PDE5A: variants seen among roughly 807,000 people sequenced by gnomAD.
PDE5A encodes the protein cGMP-specific 3',5'-cyclic phosphodiesterase.
A neutral mutation model predicts 110.2 loss-of-function variants in PDE5A; 67 were observed. That is an observed-to-expected ratio of 0.61 (90% confidence interval 0.50 to 0.75). The LOEUF (loss-of-function observed/expected upper bound fraction) is 0.75. Among genes scored for constraint, PDE5A ranks in the 30% least tolerant of loss-of-function variants. PDE5A has a pLI of 0.00. For missense variants in PDE5A, 862 were observed against 1,045.1 expected (o/e 0.82, Z 2.42); for synonymous variants, 328 against 351.2 (o/e 0.93, Z 0.74).
intron 8 of PDE5A, among the ~76,000 whole-genome samples, chr4:119,553,011 G>A (rs931204848): frequency 6.6e-6 from 1 of 152,044 alleles, no homozygotes; most frequent in Non-Finnish European, 1.5e-5. Flanking sequence ...AATGCACCGT[G>A]TTACAAACCT....
At chr4:119,576,749 T>C (rs1202490427) in intron 3 of PDE5A, among the ~76,000 whole-genome samples, 11 of 151,874 alleles carry the variant, frequency 7.2e-5, no homozygotes, top group Admixed American at 6.6e-4. Context: ...AGATCTAAAA[T>C]TGACACCCTA....
At chr4:119,567,859 T>C (rs1225448513) in intron 3 of PDE5A, among the ~76,000 whole-genome samples, 1 of 152,146 alleles carries the variant, frequency 6.6e-6, no homozygotes, top group Non-Finnish European at 1.5e-5. Flanking sequence ...GACCTTCAAC[T>C]TACTCTTCTC....
At chr4:119,625,138 C>T (rs1310009062) in intron 1 of PDE5A, among the ~76,000 whole-genome samples, 1 of 151,712 alleles carries the variant, frequency 6.6e-6, no homozygotes, top group Non-Finnish European at 1.5e-5. Context: ...GCTGGGATTA[C>T]AGGCGCGCGC....
intron 1 of PDE5A, among the ~76,000 whole-genome samples, chr4:119,618,964 C>T (rs1013885597): frequency 3.3e-5 from 5 of 152,116 alleles, no homozygotes; most frequent in Non-Finnish European, 7.4e-5. Context: ...GGGAGATTTG[C>T]AGGGTGTATT....
intron 3 of PDE5A, among the ~76,000 whole-genome samples, chr4:119,593,252 G>C (rs1190083337): frequency 6.6e-6 from 1 of 152,168 alleles, no homozygotes; most frequent in African/African-American, 2.4e-5. Flanking sequence ...GAAAGCATAA[G>C]TCCACACAAA....
Position 119,627,044 on chromosome 4 carries a change from T to C in PDE5A, c.152+1476A>G, listed in dbSNP as rs1262095663. On this transcript the variant is annotated intron_variant, in intron 1 of 20. Transcript: ENST00000354960. The surrounding 1 kb of genome is among the most constrained non-coding windows in gnomAD (Gnocchi z 4.6). ...AAGTTATACAGTCAATTTTCAATGATACATCGTCCCACTGGTGCCACCGGG... is the reference window on the plus strand; with the variant it reads ...AAGTTATACAGTCAATTTTCAATGACACATCGTCCCACTGGTGCCACCGGG... 3 of 1,262,692 alleles carry C rather than the reference T, an allele frequency of 2.4e-6. No individual in the cohort carries two copies. Among genetic ancestry groups the C allele is most frequent in the Admixed American group, 1.8e-5 (1 of 54,114 alleles). The allele number at this position is 1,262,692 out of a possible 1,614,324, so 78.2% of individuals were successfully genotyped here. A position where few individuals can be genotyped will look rare whatever the true frequency, so the allele number is the denominator to read the frequency against.
rs1298906199 is a variant in PDE5A at position 119,627,265 on chromosome 4, G to T, written c.152+1255C>A. 3 of 1,576,598 alleles carry T rather than the reference G, an allele frequency of 1.9e-6. No homozygotes were observed. Among genetic ancestry groups the T allele is most frequent in the Non-Finnish European group, 2.6e-6 (3 of 1,160,052 alleles). Reference sequence around the variant, plus strand: ...CAACAACGCGCGCAGGTGAGGTGAGGTGAGGTCGGCGACTCAGAACCAGCT... The same window carrying T: ...CAACAACGCGCGCAGGTGAGGTGAGTTGAGGTCGGCGACTCAGAACCAGCT... On this transcript the variant is annotated intron_variant, in intron 1 of 20. Coordinates refer to ENST00000354960, the MANE Select transcript of PDE5A (RefSeq NM_001083.4). The surrounding 1 kb of genome is among the most constrained non-coding windows in gnomAD (Gnocchi z 4.6).
At chr4:119,619,486 T>C (rs1380646077) in intron 1 of PDE5A, among the ~76,000 whole-genome samples, 1 of 152,140 alleles carries the variant, frequency 6.6e-6, no homozygotes, top group African/African-American at 2.4e-5. Flanking sequence ...GGAAACAAAA[T>C]CTGGGGGTCT....
At chr4:119,512,958 TACA>T (rs1247766753) in intron 14 of PDE5A, 1 of 152,136 alleles carries the variant, frequency 6.6e-6, no homozygotes, top group Non-Finnish European at 1.5e-5. Context: ...AATGAGAGCC[TACA>T]ACATGTCAGG....
chr4:119,580,357 G>A lies in PDE5A; in HGVS notation c.832-13213C>T, dbSNP rs141503420. 2.8e-3 allele frequency among the ~76,000 whole-genome samples: 429 copies of A among 152,242 alleles called. 2 individuals carry two copies. The highest frequency in any genetic ancestry group is 4.0e-3 in the Admixed American group (61 of 15,286). On this transcript the variant is annotated intron_variant, in intron 3 of 20. Transcript: ENST00000354960. The stretch of plus-strand genomic sequence containing the variant: ...AGATTCTGTCCAGAGACAGAACAGC[G>A]CATAGCCATTGCGAGCAAAGTCTCC...
intron 16 of PDE5A, among the ~76,000 whole-genome samples, chr4:119,506,882 C>A (rs943696695): frequency 6.6e-6 from 1 of 151,786 alleles, no homozygotes; most frequent in Non-Finnish European, 1.5e-5. Context: ...CTAAGAGTAA[C>A]TACAACCATG....
At chr4:119,559,889 A>G (rs1285206114) in intron 7 of PDE5A, among the ~76,000 whole-genome samples, 1 of 152,172 alleles carries the variant, frequency 6.6e-6, no homozygotes, top group Non-Finnish European at 1.5e-5. Context: ...ATCTCCCTTG[A>G]CTACTCACTT....
intron 4 of PDE5A, 134 bp downstream of exon 4, chr4:119,566,939 C>T: frequency 1.5e-6 from 1 of 683,606 alleles, no homozygotes. Flanking sequence ...TACACTTGAA[C>T]ATTTCAGATC....
intron 10 of PDE5A, among the ~76,000 whole-genome samples, chr4:119,540,713 G>C (rs1420599389): frequency 1.3e-5 from 2 of 152,104 alleles, no homozygotes; most frequent in African/African-American, 4.8e-5. Flanking sequence ...GATAAATTTA[G>C]TTACTTTTAT....
intron 5 of PDE5A, among the ~76,000 whole-genome samples, chr4:119,564,294 A>G (rs928129265): frequency 1.3e-4 from 20 of 152,106 alleles, no homozygotes; most frequent in African/African-American, 4.8e-4. Flanking sequence ...TTTTATACCC[A>G]GCCAAAGTGG....
intron 3 of PDE5A, among the ~76,000 whole-genome samples, chr4:119,573,863 TA>T (rs1174104838): frequency 6.6e-6 from 1 of 152,168 alleles, no homozygotes; most frequent in African/African-American, 2.4e-5. Flanking sequence ...CCATTGTTTC[TA>T]ATACAGTTAA....
chr4:119,618,427 T>C (rs1381136286), intron 1 of PDE5A, among the ~76,000 whole-genome samples: 1 of 152,130 alleles, frequency 6.6e-6, no homozygotes, highest in Non-Finnish European at 1.5e-5. Flanking sequence ...GTATTTCATA[T>C]TAAAATAAAA....
chr4:119,557,450 ATG>A (rs1560614470), intron 7 of PDE5A, among the ~76,000 whole-genome samples: 2 of 152,122 alleles, frequency 1.3e-5, no homozygotes, highest in South Asian at 4.1e-4. Context: ...TTTTTGTACA[ATG>A]TGTATCAATG....
Position 119,606,783 on chromosome 4 carries a change from A to G in PDE5A, c.667T>C (p.Leu223=), listed in dbSNP as rs1729545453. Reference sequence around the variant, plus strand: ...CCCACAATGCCTTTGTTCCATTCTAAGCGGATACAGTTATTTGAAACTTCT... The same window carrying G: ...CCCACAATGCCTTTGTTCCATTCTAGGCGGATACAGTTATTTGAAACTTCT... ...LEEVSNNCIR[L]EWNKGIVGHV... The change falls in exon 2 of 21, where the codon TTA becomes CTA. Residue 223 remains leucine (L), a synonymous_variant. Transcript: ENST00000354960. The G allele has an allele frequency of 1.2e-6, 2 of 1,614,186 alleles. No homozygotes were observed. Among genetic ancestry groups the G allele is most frequent in the Non-Finnish European group, 1.7e-6 (2 of 1,180,038 alleles).
Sources: gnomAD v4.1 joint callset for allele counts (sites outside exome capture counted in the v4.1 genomes callset) on GRCh38, gnomAD v4.1.1 for gene constraint, Gnocchi (gnomAD v3.1) non-coding constraint, MANE v1.5 for transcripts, NCBI Gene and HGNC (gene_info 2026-07-23, HGNC 2026-07-21) for gene names.